The following LNP1 variants were observed in gnomAD, a reference collection of about 807,000 sequenced individuals.
The protein encoded by LNP1 is leukemia NUP98 fusion partner 1.
A neutral mutation model predicts 14.5 loss-of-function variants in LNP1; 12 were observed. The ratio of observed to expected loss-of-function variants is 0.83; its 90% confidence interval spans 0.53 to 1.34. The LOEUF (loss-of-function observed/expected upper bound fraction) is 1.34, where lower values mean the gene tolerates loss of function less well. Ranked by LOEUF, LNP1 falls within the 40% of genes most tolerant of loss-of-function variation. The probability of loss-of-function intolerance (pLI) is 0.00; values close to 1 mark genes in which losing one functional copy is unlikely to be tolerated. For synonymous variants in LNP1, 75 were observed against 71.4 expected, an observed-to-expected ratio of 1.05 and a Z score of -0.26; for missense variants, 198 against 210.9, an observed-to-expected ratio of 0.94 and a Z score of 0.38.
chr3:100,428,970 G>A (rs1707219413), intron 1 of LNP1, among the ~76,000 whole-genome samples: 1 of 152,198 alleles, frequency 6.6e-6, no homozygotes, highest in African/African-American at 2.4e-5. Flanking sequence ...GATTGGAAGG[G>A]GGATACATGG....
chr3:100,443,965 A>G (rs1707366221), intron 2 of LNP1, among the ~76,000 whole-genome samples: 1 of 152,168 alleles, frequency 6.6e-6, no homozygotes, highest in South Asian at 2.1e-4. Flanking sequence ...ACTTTTCTTG[A>G]CTCTGAAAAA....
intron 1 of LNP1, among the ~76,000 whole-genome samples, chr3:100,428,415 C>T (rs183292877): frequency 4.7e-4 from 72 of 151,786 alleles, no homozygotes; most frequent in African/African-American, 1.6e-3. Context: ...GCCCGTAATC[C>T]CAGCTACTTG....
intron 1 of LNP1, among the ~76,000 whole-genome samples, chr3:100,425,467 G>A (rs1402893581): frequency 1.3e-5 from 2 of 152,166 alleles, no homozygotes; most frequent in Non-Finnish European, 2.9e-5. Context: ...TTTGAATCAA[G>A]CCAGCATCCT....
chr3:100,442,762 T>C lies in LNP1; in HGVS notation c.157-8957T>C, dbSNP rs924514829. 2.0e-5 allele frequency among the ~76,000 whole-genome samples: 3 copies of C among 152,150 alleles called. No homozygotes were observed. The South Asian group carries it at 6.2e-4, about 31-fold the overall frequency. ...CCCAAGATTATTTTTCTTTCACATT[T>C]CCCTCCTTTTTTTAAAAATAAAATC... On this transcript the variant is annotated intron_variant, in intron 2 of 3. Coordinates refer to ENST00000383693, the MANE Select transcript of LNP1 (RefSeq NM_001085451.2).
chr3:100,420,776 T>C (rs1330537730), intron 1 of LNP1, among the ~76,000 whole-genome samples: 2 of 152,138 alleles, frequency 1.3e-5, no homozygotes, highest in African/African-American at 2.4e-5. Flanking sequence ...GGGTCTTTCA[T>C]AGAGCAAAAG....
chr3:100,441,935 G>A (rs1422116402), intron 2 of LNP1, among the ~76,000 whole-genome samples: 1 of 152,086 alleles, frequency 6.6e-6, no homozygotes, highest in African/African-American at 2.4e-5. Context: ...AAAGTGCTGG[G>A]ATTACAGGCA....
intron 2 of LNP1, among the ~76,000 whole-genome samples, chr3:100,433,701 A>G (rs1456966508): frequency 2.0e-5 from 3 of 152,042 alleles, no homozygotes; most frequent in Non-Finnish European, 4.4e-5. Context: ...AAGTGTTCCT[A>G]TTTCTCCACA....
intron 2 of LNP1, among the ~76,000 whole-genome samples, chr3:100,447,097 G>A (rs1707395619): frequency 6.6e-6 from 1 of 152,142 alleles, no homozygotes; most frequent in African/African-American, 2.4e-5. Context: ...TCCCATTACT[G>A]GGTATATACC....
At chr3:100,413,214 T>C (rs943195541) in intron 1 of LNP1, among the ~76,000 whole-genome samples, 1 of 152,238 alleles carries the variant, frequency 6.6e-6, no homozygotes, top group African/African-American at 2.4e-5. Context: ...GTTTATACTT[T>C]GTATCTCATT....
chr3:100,409,751 T>G (rs191322227), intron 1 of LNP1, among the ~76,000 whole-genome samples: 36 of 151,246 alleles, frequency 2.4e-4, no homozygotes, highest in Admixed American at 2.0e-3. Flanking sequence ...CCCACCACTG[T>G]GCCCAGCTAA....
At position 100,404,269 on chromosome 3, in the gene LNP1, C is replaced by G. The variant is rs1023276759; in HGVS notation, c.-34+1830C>G. ...CTGATTATTCTCTCCTTGAAATGTT[C>G]TTTTCCTTGGCTTCAGGAGAATAGA... On this transcript the variant is annotated intron_variant, in intron 1 of 3. Coordinates refer to ENST00000383693, the MANE Select transcript of LNP1 (RefSeq NM_001085451.2). Among the ~76,000 whole-genome samples the G allele has an allele frequency of 1.4e-4, 22 of 152,278 alleles. 2 individuals are homozygous for G. Among genetic ancestry groups the G allele is most frequent in the Admixed American group, 1.4e-3 (22 of 15,302 alleles).
At chr3:100,403,824 GGGTGGATT>G (rs1706937811) in intron 1 of LNP1, among the ~76,000 whole-genome samples, 1 of 152,148 alleles carries the variant, frequency 6.6e-6, no homozygotes, top group Admixed American at 6.5e-5. Flanking sequence ...ATGTGAGGAG[GGGTGGATT>G]AGATTATTTT....
chr3:100,414,120 G>A (rs1170857970), intron 1 of LNP1, among the ~76,000 whole-genome samples: 1 of 152,130 alleles, frequency 6.6e-6, no homozygotes, highest in East Asian at 1.9e-4. Flanking sequence ...TTGAAACATT[G>A]CTTTATTACA....
intron 1 of LNP1, among the ~76,000 whole-genome samples, chr3:100,411,459 A>G (rs914262008): frequency 2.6e-5 from 4 of 152,244 alleles, no homozygotes; most frequent in Non-Finnish European, 2.9e-5. Flanking sequence ...TTTGTATGTA[A>G]GAAGGGCATG....
intron 2 of LNP1, among the ~76,000 whole-genome samples, chr3:100,443,549 A>C (rs998899783): frequency 2.0e-5 from 3 of 152,190 alleles, no homozygotes; most frequent in Non-Finnish European, 4.4e-5. Context: ...TCTCCTCTTG[A>C]GGTTCTAAGA....
At chr3:100,450,951 A>C (rs1707431965) in intron 2 of LNP1, among the ~76,000 whole-genome samples, 1 of 152,178 alleles carries the variant, frequency 6.6e-6, no homozygotes, top group African/African-American at 2.4e-5. Context: ...ATCTTGACCA[A>C]ATTTTGGGAG....
intron 2 of LNP1, among the ~76,000 whole-genome samples, chr3:100,432,750 C>T (rs564619824): frequency 5.9e-5 from 9 of 152,154 alleles, no homozygotes; most frequent in Non-Finnish European, 1.3e-4. Flanking sequence ...TTTATTTATT[C>T]TATGGAAGTG....
chr3:100,435,298 G>A (rs1454828624), intron 2 of LNP1, among the ~76,000 whole-genome samples: 4 of 152,136 alleles, frequency 2.6e-5, no homozygotes, highest in Non-Finnish European at 5.9e-5. Context: ...AGGAGCAAGT[G>A]CTCTGGAGCT....
intron 3 of LNP1, among the ~76,000 whole-genome samples, chr3:100,452,369 A>C (rs1242871994): frequency 9.3e-5 from 14 of 150,752 alleles, no homozygotes; most frequent in African/African-American, 3.4e-4. Flanking sequence ...TGCCCGACTA[A>C]ATTTTAAACT....
Sources: allele counts gnomAD v4.1 joint callset (sites outside exome capture counted in the v4.1 genomes callset), GRCh38; gene constraint gnomAD v4.1.1; transcripts MANE v1.5; gene names NCBI Gene and HGNC (gene_info 2026-07-23, HGNC 2026-07-21).